The following NRXN3 variants were observed in gnomAD, a reference collection of about 807,000 sequenced individuals.
The protein encoded by NRXN3 is neurexin 3.
Under a neutral mutation model 137.6 loss-of-function variants are expected in NRXN3, and 32 were observed. That is an observed-to-expected ratio of 0.23 (90% confidence interval 0.18 to 0.31). The LOEUF is 0.31. NRXN3 is among the 10% of genes least tolerant of loss of function. NRXN3 has a pLI of 1.00. For synonymous variants in NRXN3, 798 were observed against 784.5 expected, an observed-to-expected ratio of 1.02 and a Z score of -0.29; for missense variants, 1,574 against 2,062.5, an observed-to-expected ratio of 0.76 and a Z score of 4.59.
chr14:79,176,185 A>G (rs759424127), intron 15 of NRXN3, among the ~76,000 whole-genome samples: 20 of 152,182 alleles, frequency 1.3e-4, no homozygotes, highest in Non-Finnish European at 2.5e-4. Context: ...AGCAATTCTT[A>G]ACTGGAAGTT....
chr14:79,044,698 A>AACACAC (rs61363440), intron 15 of NRXN3, among the ~76,000 whole-genome samples: 2 of 150,114 alleles, frequency 1.3e-5, no homozygotes, highest in Non-Finnish European at 1.5e-5. Flanking sequence ...CTCAAAAGTG[A>AACACAC]ACACACACAC....
rs1056533733 is a variant in NRXN3 at position 79,201,459 on chromosome 14, T to C, written c.3262+213318T>C. ...TTTTGGGCCAGGCTGTTGGGCTGTT[T>C]CTTAAGGATATGATATTTTATTTAT... On this transcript the variant is annotated intron_variant, in intron 15 of 20. Coordinates refer to ENST00000335750, the MANE Select transcript of NRXN3 (RefSeq NM_001330195.2). 2.0e-5 allele frequency: 3 copies of C among 152,234 alleles called. No individual in the cohort carries two copies. In the East Asian group the frequency reaches 5.8e-4, roughly 29 times the overall value. The allele number at this position is 152,234 out of a possible 1,614,324, so 9.4% of individuals were successfully genotyped here. A position where few individuals can be genotyped will look rare whatever the true frequency, so the allele number is the denominator to read the frequency against.
At chr14:78,520,465 G>A (rs903304378) in intron 4 of NRXN3, among the ~76,000 whole-genome samples, 1 of 152,122 alleles carries the variant, frequency 6.6e-6, no homozygotes, top group Non-Finnish European at 1.5e-5. Flanking sequence ...GGAAACTGTA[G>A]TTCAAGGTGA....
intron 10 of NRXN3, among the ~76,000 whole-genome samples, chr14:78,930,777 C>T (rs2099319352): frequency 1.3e-5 from 2 of 152,136 alleles, no homozygotes; most frequent in East Asian, 1.9e-4. Context: ...TCATGCCAGG[C>T]TGTAGTGGTG....
rs1489985036 is a variant in NRXN3 at position 79,821,589 on chromosome 14, A to G, written c.4093+16399A>G. On this transcript the variant is annotated intron_variant, in intron 20 of 20. Transcript: ENST00000335750. ...AATTTGGCAGGATGTGCTCTCAGTA[A>G]AATTTCTGGTTTAGTAAACTCTTGG... is the stretch of plus-strand genomic sequence containing the variant. 2.6e-5 allele frequency among the ~76,000 whole-genome samples: 4 copies of G among 151,942 alleles called. No homozygotes were observed. The East Asian group carries it at 7.7e-4, about 29-fold the overall frequency.
intron 8 of NRXN3, among the ~76,000 whole-genome samples, chr14:78,730,501 C>A (rs761299957): frequency 6.6e-6 from 1 of 152,126 alleles, no homozygotes; most frequent in Non-Finnish European, 1.5e-5. Context: ...GTTTAAAGGG[C>A]TTTTCCCTCC....
intron 10 of NRXN3, among the ~76,000 whole-genome samples, chr14:78,872,580 A>G (rs2099104183): frequency 6.6e-6 from 1 of 151,990 alleles, no homozygotes; most frequent in Non-Finnish European, 1.5e-5. Flanking sequence ...TAATAATAAA[A>G]CTCTAACAAA....
At chr14:78,256,346 C>T (rs1286982441) in intron 2 of NRXN3, among the ~76,000 whole-genome samples, 1 of 152,182 alleles carries the variant, frequency 6.6e-6, no homozygotes, top group Admixed American at 6.5e-5. Context: ...GGAATCCGAG[C>T]CACAGAGGAA....
At chr14:78,351,034 A>G (rs1175996786) in intron 4 of NRXN3, among the ~76,000 whole-genome samples, 3 of 152,184 alleles carry the variant, frequency 2.0e-5, no homozygotes, top group Non-Finnish European at 4.4e-5. Context: ...CCATTGCCAG[A>G]GGCAATCTTT....
chr14:78,461,691 A>T (rs773088333), intron 4 of NRXN3, among the ~76,000 whole-genome samples: 17 of 152,062 alleles, frequency 1.1e-4, no homozygotes, highest in African/African-American at 4.1e-4. Flanking sequence ...AAAACATAAC[A>T]CACTGACCTG....
At chr14:79,293,760 G>A (rs2083568231) in intron 15 of NRXN3, among the ~76,000 whole-genome samples, 1 of 152,228 alleles carries the variant, frequency 6.6e-6, no homozygotes, top group African/African-American at 2.4e-5. Context: ...TGTCAGGCAT[G>A]TCACCCCCTC....
intron 4 of NRXN3, among the ~76,000 whole-genome samples, chr14:78,586,349 A>G (rs367738569): frequency 1.1e-4 from 16 of 152,312 alleles, no homozygotes; most frequent in Admixed American, 7.8e-4. Context: ...AAGAGTGCCA[A>G]GAGTTCTGCA....
intron 19 of NRXN3, among the ~76,000 whole-genome samples, chr14:79,746,974 G>C (rs563002752): frequency 6.6e-6 from 1 of 152,166 alleles, no homozygotes; most frequent in South Asian, 2.1e-4. Context: ...CTAGAGCAAG[G>C]CTGAAACAAA....
chr14:78,711,673 T>C (rs1206791891), intron 7 of NRXN3, among the ~76,000 whole-genome samples: 2 of 152,106 alleles, frequency 1.3e-5, no homozygotes, highest in Non-Finnish European at 2.9e-5. Flanking sequence ...ACTCCTGACC[T>C]CAGATGATCA....
chr14:78,574,157 T>C (rs1182525558), intron 4 of NRXN3, among the ~76,000 whole-genome samples: 3 of 152,246 alleles, frequency 2.0e-5, no homozygotes, highest in Non-Finnish European at 4.4e-5. Flanking sequence ...ACCTAGATTT[T>C]AGCAGATGTA....
intron 8 of NRXN3, among the ~76,000 whole-genome samples, chr14:78,743,846 T>G (rs10150420): frequency 0.18 from 27,394 of 152,058 alleles, 3,296 homozygotes; most frequent in African/African-American, 0.33. Context: ...CAGATTTAAG[T>G]CTTATTAAGA....
chr14:78,664,109 A>T (rs951487033), intron 6 of NRXN3, among the ~76,000 whole-genome samples: 2 of 152,178 alleles, frequency 1.3e-5, no homozygotes, highest in Non-Finnish European at 2.9e-5. Context: ...TAGGGCAGCA[A>T]CACTGCACAC....
chr14:79,179,771 G>A (rs1202019895), intron 15 of NRXN3, among the ~76,000 whole-genome samples: 1 of 152,140 alleles, frequency 6.6e-6, no homozygotes, highest in Non-Finnish European at 1.5e-5. Flanking sequence ...TGGTGAAGAA[G>A]ATATCCAGAG....
intron 19 of NRXN3, among the ~76,000 whole-genome samples, chr14:79,716,553 T>G (rs2154057339): frequency 6.6e-6 from 1 of 152,248 alleles, no homozygotes; most frequent in South Asian, 2.1e-4. Flanking sequence ...TCTTCCTATT[T>G]TTCTCATGCC....
Sources: gnomAD v4.1 joint callset for allele counts (sites outside exome capture counted in the v4.1 genomes callset) on GRCh38, gnomAD v4.1.1 for gene constraint, MANE v1.5 for transcripts, NCBI Gene and HGNC (gene_info 2026-07-23, HGNC 2026-07-21) for gene names.